The following ZFP64 variants were observed in gnomAD, a reference collection of about 807,000 sequenced individuals.
ZFP64 encodes ZFP64 zinc finger protein.
Under a neutral mutation model 51.6 loss-of-function variants are expected in ZFP64, and 14 were observed. The ratio of observed to expected loss-of-function variants is 0.27; its 90% CI spans 0.18 to 0.42. The LOEUF is 0.42. Ranked by LOEUF, ZFP64 falls within the 10% of genes least tolerant of loss-of-function variation. The probability of loss-of-function intolerance (pLI) is 1.00; values close to 1 mark genes in which losing one functional copy is unlikely to be tolerated. For synonymous variants in ZFP64, 375 were observed against 361.4 expected (o/e 1.04, Z -0.43); for missense variants, 754 against 906.8 (o/e 0.83, Z 2.16).
At chr20:52,136,564 T>A (rs1316944809) in intron 5 of ZFP64, among the ~76,000 whole-genome samples, 1 of 152,158 alleles carries the variant, frequency 6.6e-6, no homozygotes, top group African/African-American at 2.4e-5. Flanking sequence ...ATTTGACACA[T>A]AACTGAAAAT....
At chr20:52,135,465 A>G (rs954445710) in intron 5 of ZFP64, among the ~76,000 whole-genome samples, 3 of 152,130 alleles carry the variant, frequency 2.0e-5, no homozygotes, top group African/African-American at 7.2e-5. Context: ...GTTTTGTACT[A>G]TGGAAATACA....
chr20:52,178,550 C>G lies in ZFP64; in HGVS notation c.286+8282G>C, dbSNP rs538385066. Reference sequence around the variant, plus strand: ...ACATAGTTTGTCTTACTAAATCACTCATGTGTTCAAGAACTTTCAATGGAT... The same window carrying G: ...ACATAGTTTGTCTTACTAAATCACTGATGTGTTCAAGAACTTTCAATGGAT... On this transcript the variant is annotated intron_variant, in intron 2 of 5. Transcript: ENST00000216923. Among the ~76,000 whole-genome samples, 8 of 152,274 alleles carry G rather than the reference C, an allele frequency of 5.3e-5. No homozygotes were observed. The South Asian group carries it at 1.7e-3, about 32-fold the overall frequency.
At chr20:52,105,105 G>C in intron 5 of ZFP64, 6 of 1,397,180 alleles carry the variant, frequency 4.3e-6, no homozygotes, top group Non-Finnish European at 5.5e-6. Context: ...CCCAGCCCCC[G>C]GGCGGGGCTC....
chr20:52,110,826 C>T, intron 5 of ZFP64: 1 of 1,600,604 alleles, frequency 6.2e-7, no homozygotes, highest in Non-Finnish European at 8.6e-7. Flanking sequence ...CACTCAGCTC[C>T]ATGTTCAGCT....
chr20:52,084,924 T>C (rs2078848400), exon 9 of ZFP64: 3 of 1,613,748 alleles, frequency 1.9e-6, no homozygotes, highest in African/African-American at 1.3e-5. Context: ...GAAGTCACAC[T>C]TGAAGGGACG....
chr20:52,130,424 C>T (rs1314630210), intron 5 of ZFP64, among the ~76,000 whole-genome samples: 1 of 152,020 alleles, frequency 6.6e-6, no homozygotes, highest in African/African-American at 2.4e-5. Flanking sequence ...ATGTTGTCCA[C>T]TCTGGTCTTG....
At chr20:52,127,477 A>G (rs1277352711) in intron 5 of ZFP64, among the ~76,000 whole-genome samples, 1 of 152,106 alleles carries the variant, frequency 6.6e-6, no homozygotes. Flanking sequence ...ACAAGAGCTG[A>G]CGGTTTTATC....
chr20:52,159,961 C>T (rs762371800), intron 5 of ZFP64, among the ~76,000 whole-genome samples, 162 bp downstream of exon 5: 11 of 151,976 alleles, frequency 7.2e-5, no homozygotes, highest in South Asian at 2.1e-4. Flanking sequence ...GGCAACAGAG[C>T]GAGACAAAAC....
intron 5 of ZFP64, among the ~76,000 whole-genome samples, chr20:52,135,260 T>C (rs1979913251): frequency 6.6e-6 from 1 of 152,198 alleles, no homozygotes. Context: ...TGCCTATGAA[T>C]GGAATTTTAT....
In ZFP64 at chr20:52,085,302, A is replaced by G; in HGVS notation, c.1229-36T>C. 1.3e-6 allele frequency: 2 copies of G among 1,556,966 alleles called. No individual in the cohort carries two copies. Among genetic ancestry groups the G allele is most frequent in the Non-Finnish European group, 1.7e-6 (2 of 1,148,448 alleles). ...AAGGTGTGTTTCCATTAGAACAGGC[A>G]GGCAAAACAGACCCTCCCACCCCAA... On this transcript the variant is annotated intron_variant, in intron 8 of 8. Transcript: ENST00000361387. This position sits in a 1 kb window ranked among gnomAD's most constrained non-coding sequence, Gnocchi z 4.3.
chr20:52,128,175 A>G (rs1027454608), intron 5 of ZFP64, among the ~76,000 whole-genome samples: 1 of 152,224 alleles, frequency 6.6e-6, no homozygotes, highest in Non-Finnish European at 1.5e-5. Flanking sequence ...GTGGTGGCTC[A>G]CGCCTCTAAT....
chr20:52,113,479 G>A (rs1978705340), intron 5 of ZFP64, among the ~76,000 whole-genome samples: 1 of 144,598 alleles, frequency 6.9e-6, no homozygotes, highest in Non-Finnish European at 1.5e-5. Flanking sequence ...CCTGGCTAGG[G>A]TGCAGTGGCG....
In ZFP64 at chr20:52,163,349, G is replaced by A. The variant is rs1371929826; in HGVS notation, c.511+1346C>T. Among the ~76,000 whole-genome samples the A allele has an allele frequency of 3.3e-5, 5 of 152,094 alleles. No homozygotes were observed. In the East Asian group the frequency reaches 5.8e-4, roughly 18 times the overall value. On this transcript the variant is annotated intron_variant, in intron 4 of 5. Coordinates refer to ENST00000216923, the MANE Select transcript of ZFP64 (RefSeq NM_018197.3). ...GCACTCCAGCCTGGGCAACAAGAGC[G>A]AAACTCCGTCTCAAAAAAACAAAAA...
Position 52,165,586 on chromosome 20 carries a change from C to T in ZFP64, c.448+278G>A, listed in dbSNP as rs187655210. 3.8e-3 allele frequency: 2,310 copies of T among 608,478 alleles called. 11 individuals are homozygous for T. Among genetic ancestry groups the T allele is most frequent in the Non-Finnish European group, 5.4e-3 (1,757 of 327,212 alleles). The allele number at this position is 608,478 out of a possible 1,614,324, so 37.7% of individuals were successfully genotyped here. ...AATTCTTACTGGATATCTTCCTAAG[C>T]TATAGCATAGGAAAAAAATTTATAG... On this transcript the variant is annotated intron_variant, in intron 3 of 5. Transcript: ENST00000216923.
chr20:52,154,309 T>C (rs1036854297), intron 5 of ZFP64, among the ~76,000 whole-genome samples: 1 of 152,142 alleles, frequency 6.6e-6, no homozygotes, highest in Non-Finnish European at 1.5e-5. Flanking sequence ...AAGATTGCCC[T>C]GTGGTGGGTG....
chr20:52,175,970 C>T lies in ZFP64; in HGVS notation c.287-9945G>A, dbSNP rs569595125. 5.1e-6 allele frequency: 5 copies of T among 985,398 alleles called. No individual in the cohort carries two copies. In the Admixed American group the frequency reaches 1.8e-4, roughly 36 times the overall value. The allele number at this position is 985,398 out of a possible 1,614,324, so 61.0% of individuals were successfully genotyped here. A position where few individuals can be genotyped will look rare whatever the true frequency, so the allele number is the denominator to read the frequency against. ...TTACCGTCCACAGTGGGCGTTAGACCGGCCCAAATGTCCCTCCCCAGGGGT... is the reference window on the plus strand; with the variant it reads ...TTACCGTCCACAGTGGGCGTTAGACTGGCCCAAATGTCCCTCCCCAGGGGT... On this transcript the variant is annotated intron_variant, in intron 2 of 5. Coordinates refer to ENST00000216923, the MANE Select transcript of ZFP64 (RefSeq NM_018197.3).
rs1018880260 is a variant in ZFP64 at position 52,084,483 on chromosome 20, T to C, written c.*74A>G. 7.0e-6 allele frequency: 10 copies of C among 1,419,114 alleles called. No individual in the cohort carries two copies. In the African/African-American group the frequency reaches 1.0e-4, roughly 14 times the overall value. The allele number at this position is 1,419,114 out of a possible 1,614,324, so 87.9% of individuals were successfully genotyped here. A position where few individuals can be genotyped will look rare whatever the true frequency, so the allele number is the denominator to read the frequency against. On this transcript the variant is annotated 3_prime_UTR_variant, in exon 9 of 9. Transcript: ENST00000361387. ...GTGGTGCCCAAAGCCTGTCTCTCAG[T>C]GGCCTCACCTCTGGAGGGCTGGGCA... is the stretch of plus-strand genomic sequence containing the variant.
chr20:52,099,340 T>C (rs1031694298), intron 5 of ZFP64, among the ~76,000 whole-genome samples: 3 of 150,480 alleles, frequency 2.0e-5, no homozygotes, highest in Non-Finnish European at 2.9e-5. Flanking sequence ...TTTTTTAAGA[T>C]GCTTACTCTG....
At chr20:52,101,177 G>C (rs2079045992) in intron 5 of ZFP64, among the ~76,000 whole-genome samples, 1 of 152,150 alleles carries the variant, frequency 6.6e-6, no homozygotes, top group African/African-American at 2.4e-5. Flanking sequence ...AGGTCAATAG[G>C]GCTGGGGTTG....
Sources: gnomAD v4.1 joint callset for allele counts (sites outside exome capture counted in the v4.1 genomes callset) on GRCh38, gnomAD v4.1.1 for gene constraint, Gnocchi (gnomAD v3.1) non-coding constraint, MANE v1.5 for transcripts, NCBI Gene and HGNC (gene_info 2026-07-23, HGNC 2026-07-21) for gene names.